KCNH8: variants seen among roughly 807,000 people sequenced by gnomAD.
KCNH8 encodes the protein potassium voltage-gated channel subfamily H member 8, also known as voltage-gated delayed rectifier potassium channel KCNH8.
Under a neutral mutation model 103.6 loss-of-function variants are expected in KCNH8, and 70 were observed. That is an observed-to-expected ratio of 0.68 (90% CI 0.56 to 0.82). The LOEUF (loss-of-function observed/expected upper bound fraction) is 0.82. Among genes scored for constraint, KCNH8 ranks in the 40% least tolerant of loss-of-function variants. The pLI is 0.00. For missense variants in KCNH8, 1,217 were observed against 1,329.9 expected (o/e 0.92, Z 1.32); for synonymous variants, 498 against 489.4 (o/e 1.02, Z -0.23).
chr3:19,360,568 C>A (rs1022248878), intron 5 of KCNH8, among the ~76,000 whole-genome samples: 1 of 152,050 alleles, frequency 6.6e-6, no homozygotes, highest in African/African-American at 2.4e-5. Context: ...GTCCTTTAAA[C>A]AAAAAGTTTG....
intron 1 of KCNH8, among the ~76,000 whole-genome samples, chr3:19,244,414 G>GTGTTTT (rs906866557): frequency 1.3e-5 from 2 of 152,240 alleles, no homozygotes; most frequent in South Asian, 2.1e-4. Flanking sequence ...ATGAGTGCAC[G>GTGTTTT]TGTTTTTGTT....
chr3:19,501,937 G>A (rs907473829), intron 11 of KCNH8, among the ~76,000 whole-genome samples: 3 of 151,506 alleles, frequency 2.0e-5, no homozygotes, highest in African/African-American at 7.2e-5. Context: ...GCAATTAGGA[G>A]AAGGAAATAA....
chr3:19,301,339 AAT>A (rs1291239893), intron 3 of KCNH8, among the ~76,000 whole-genome samples: 1 of 148,580 alleles, frequency 6.7e-6, no homozygotes, highest in Non-Finnish European at 1.5e-5. Context: ...AGAAAATACA[AAT>A]ATATATAATA....
rs191061061 is a variant in KCNH8 at position 19,394,696 on chromosome 3, T to C, written c.970-408T>C. On this transcript the variant is annotated intron_variant, in intron 6 of 15. Coordinates refer to ENST00000328405, the MANE Select transcript of KCNH8 (RefSeq NM_144633.3). ...CCTTTACTTCAATTTGTCTGAATTA[T>C]TATTATAAAGCAATTTCATTACACA... Among the ~76,000 whole-genome samples the C allele has an allele frequency of 4.1e-3, 618 of 152,170 alleles. 4 individuals carry two copies. Among genetic ancestry groups the C allele is most frequent in the South Asian group, 0.017 (82 of 4,828 alleles).
In KCNH8 at chr3:19,309,379, G is replaced by A. The variant is rs915786988; in HGVS notation, c.442+28050G>A. On this transcript the variant is annotated intron_variant, in intron 3 of 15. Coordinates refer to ENST00000328405, the MANE Select transcript of KCNH8 (RefSeq NM_144633.3). Reference sequence around the variant, plus strand: ...GGAAAAATTATTTGGAGGTTTTATGGTGTTTCATAAAGTCAGAAAGCACAT... The same window carrying A: ...GGAAAAATTATTTGGAGGTTTTATGATGTTTCATAAAGTCAGAAAGCACAT... Among the ~76,000 whole-genome samples the A allele has an allele frequency of 9.9e-5, 15 of 152,026 alleles. No individual in the cohort carries two copies. In the East Asian group the frequency reaches 2.9e-3, roughly 30 times the overall value.
At chr3:19,196,082 A>T (rs772513490) in intron 1 of KCNH8, among the ~76,000 whole-genome samples, 34 of 151,994 alleles carry the variant, frequency 2.2e-4, no homozygotes, top group Non-Finnish European at 1.9e-4. Flanking sequence ...TGAAACTCAA[A>T]ACCCTGTTGC....
chr3:19,377,236 T>G (rs1390140661), intron 5 of KCNH8, among the ~76,000 whole-genome samples: 1 of 152,196 alleles, frequency 6.6e-6, no homozygotes, highest in Non-Finnish European at 1.5e-5. Context: ...CGGTATTTTC[T>G]GTTAGTTGCT....
At chr3:19,296,368 T>A (rs2064996917) in intron 3 of KCNH8, among the ~76,000 whole-genome samples, 1 of 152,210 alleles carries the variant, frequency 6.6e-6, no homozygotes, top group African/African-American at 2.4e-5. Flanking sequence ...GCTTATGCAA[T>A]GTGGGAGGTG....
chr3:19,374,628 T>G (rs1283964136), intron 5 of KCNH8, among the ~76,000 whole-genome samples: 5 of 152,182 alleles, frequency 3.3e-5, no homozygotes, highest in Non-Finnish European at 5.9e-5. Context: ...TTGTTATGTG[T>G]GAATTCGATC....
intron 11 of KCNH8, among the ~76,000 whole-genome samples, chr3:19,470,388 C>G (rs147145080): frequency 6.6e-6 from 1 of 152,212 alleles, no homozygotes; most frequent in Admixed American, 6.5e-5. Flanking sequence ...CTTCATTCTT[C>G]TCTCCTTCAG....
chr3:19,155,503 G>T (rs2063172249), intron 1 of KCNH8, among the ~76,000 whole-genome samples: 1 of 152,072 alleles, frequency 6.6e-6, no homozygotes, highest in African/African-American at 2.4e-5. Flanking sequence ...ACTTAATCAT[G>T]TAACACTCCT....
At chr3:19,258,591 G>T (rs960895006) in intron 2 of KCNH8, among the ~76,000 whole-genome samples, 15 of 151,894 alleles carry the variant, frequency 9.9e-5, no homozygotes, top group African/African-American at 3.4e-4. Flanking sequence ...CATGCAGAGT[G>T]CTTTTTGAAA....
In KCNH8 at chr3:19,422,356, T is replaced by C. The variant is rs114288013; in HGVS notation, c.1178-15808T>C. 6.5e-3 allele frequency among the ~76,000 whole-genome samples: 985 copies of C among 152,218 alleles called. 4 individuals are homozygous for C. Among genetic ancestry groups the C allele is most frequent in the African/African-American group, 0.022 (911 of 41,568 alleles). ...CTAATTTATATTTAAATAATACAGT[T>C]TTTTGTGACAAAGTAATAGAAGACT... On this transcript the variant is annotated intron_variant, in intron 7 of 15. Transcript: ENST00000328405.
At chr3:19,268,915 T>A (rs999154904) in intron 2 of KCNH8, among the ~76,000 whole-genome samples, 4 of 152,102 alleles carry the variant, frequency 2.6e-5, no homozygotes, top group Non-Finnish European at 4.4e-5. Context: ...TTGACAAGAT[T>A]TGGCAATATC....
intron 2 of KCNH8, among the ~76,000 whole-genome samples, chr3:19,271,465 C>T (rs1372987362): frequency 6.6e-6 from 1 of 152,074 alleles, no homozygotes; most frequent in East Asian, 1.9e-4. Flanking sequence ...TTCATACATA[C>T]ACAAAGGAGA....
intron 13 of KCNH8, 69 bp downstream of exon 13, chr3:19,513,394 TTCAGCCTTC>T (rs2068821483): frequency 6.6e-7 from 1 of 1,509,276 alleles, no homozygotes; most frequent in African/African-American, 1.4e-5. Context: ...AGTACCTGCC[TTCAGCCTTC>T]TGAGCCTTTC....
At chr3:19,367,683 A>AC (rs2066032544) in intron 5 of KCNH8, among the ~76,000 whole-genome samples, 1 of 151,894 alleles carries the variant, frequency 6.6e-6, no homozygotes, top group Admixed American at 6.6e-5. Context: ...ATTGAGTTGA[A>AC]CAACAGCCTT....
intron 11 of KCNH8, among the ~76,000 whole-genome samples, chr3:19,498,465 C>A (rs992114470): frequency 6.6e-5 from 10 of 152,062 alleles, no homozygotes; most frequent in Admixed American, 2.0e-4. Flanking sequence ...TCAGCGCTGA[C>A]TTGTCTCAAA....
chr3:19,249,333 T>C (rs138843231), intron 1 of KCNH8, among the ~76,000 whole-genome samples: 258 of 152,344 alleles, frequency 1.7e-3, no homozygotes, highest in African/African-American at 5.8e-3. Flanking sequence ...GGACCATTCA[T>C]GTAGCTAGTA....
Sources: gnomAD v4.1 joint callset for allele counts (sites outside exome capture counted in the v4.1 genomes callset) on GRCh38, gnomAD v4.1.1 for gene constraint, MANE v1.5 for transcripts, NCBI Gene and HGNC (gene_info 2026-07-23, HGNC 2026-07-21) for gene names.